The following ITPR2 variants were observed in gnomAD, a reference collection of about 807,000 sequenced individuals.
ITPR2 encodes inositol 1,4,5-trisphosphate-gated calcium channel ITPR2.
A neutral mutation model predicts 317.1 loss-of-function variants in ITPR2; 207 were observed. The observed-to-expected ratio is 0.65, with a 90% CI of 0.58 to 0.73. The LOEUF is 0.73. Among genes scored for constraint, ITPR2 ranks in the 30% least tolerant of loss-of-function variants. The probability of loss-of-function intolerance (pLI) is 0.00; values close to 1 mark genes in which losing one functional copy is unlikely to be tolerated. For missense variants in ITPR2, 2,613 were observed against 3,284.0 expected (o/e 0.80, Z 4.99); for synonymous variants, 1,156 against 1,149.1 (o/e 1.01, Z -0.12).
Position 26,451,152 on chromosome 12 carries a change from C to A in ITPR2, c.6343-7502G>T, listed in dbSNP as rs78200304. 1.6e-3 allele frequency among the ~76,000 whole-genome samples: 241 copies of A among 152,152 alleles called. 4 individuals are homozygous for A. In the East Asian group the frequency reaches 0.034, roughly 22 times the overall value. On this transcript the variant is annotated intron_variant, in intron 45 of 56. Transcript: ENST00000381340. Reference sequence around the variant, plus strand: ...GGTTTTTGAGAATCTAAAGAGAAAGCCTTAAAGAAAGCACAACCAAGAGGA... The same window carrying A: ...GGTTTTTGAGAATCTAAAGAGAAAGACTTAAAGAAAGCACAACCAAGAGGA...
chr12:26,407,425 T>C (rs987969914), intron 52 of ITPR2, among the ~76,000 whole-genome samples: 1 of 152,232 alleles, frequency 6.6e-6, no homozygotes, highest in Non-Finnish European at 1.5e-5. Context: ...TAGATGCTAG[T>C]AGCACCCCAT....
chr12:26,472,997 G>A (rs567910559), intron 45 of ITPR2, among the ~76,000 whole-genome samples: 42 of 151,902 alleles, frequency 2.8e-4, no homozygotes, highest in African/African-American at 8.9e-4. Context: ...AGTGATTCTC[G>A]TGCCTCAGCC....
intron 9 of ITPR2, among the ~76,000 whole-genome samples, chr12:26,698,450 C>A (rs1020086278): frequency 6.6e-6 from 1 of 152,054 alleles, no homozygotes; most frequent in African/African-American, 2.4e-5. Flanking sequence ...TGGATGAAGG[C>A]ACACACAAAA....
chr12:26,381,486 T>C (rs1378595511), intron 55 of ITPR2, among the ~76,000 whole-genome samples: 1 of 152,232 alleles, frequency 6.6e-6, no homozygotes, highest in Non-Finnish European at 1.5e-5. Flanking sequence ...CATTCAATGT[T>C]TAGTGAATTG....
At position 26,336,451 on chromosome 12, in the gene ITPR2, T is replaced by A. The variant is rs570651412; in HGVS notation, c.*2946A>T. The A allele has an allele frequency of 1.2e-4, 19 of 152,324 alleles. No individual in the cohort carries two copies. Among genetic ancestry groups the A allele is most frequent in the African/African-American group, 4.6e-4 (19 of 41,578 alleles). The allele number at this position is 152,324 out of a possible 1,614,324, so 9.4% of individuals were successfully genotyped here. On this transcript the variant is annotated 3_prime_UTR_variant, in exon 57 of 57. Transcript: ENST00000381340. ...TGTCCTCTTTACCAACAGAAAAATATTGATGTGCAAGAAAATAAGCTTATT... is the reference window on the plus strand; with the variant it reads ...TGTCCTCTTTACCAACAGAAAAATAATGATGTGCAAGAAAATAAGCTTATT...
chr12:26,804,451 T>G (rs1046696917), intron 1 of ITPR2, among the ~76,000 whole-genome samples: 1 of 151,526 alleles, frequency 6.6e-6, no homozygotes, highest in African/African-American at 2.4e-5. Context: ...TGGGAGGGAG[T>G]GAGTAAGTCC....
chr12:26,714,308 G>C (rs1158491353), intron 8 of ITPR2, among the ~76,000 whole-genome samples: 3 of 151,902 alleles, frequency 2.0e-5, no homozygotes, highest in Admixed American at 6.6e-5. Context: ...ATCATTCAAG[G>C]GCCCACATTT....
chr12:26,743,033 T>C (rs565710641), intron 2 of ITPR2, among the ~76,000 whole-genome samples: 7 of 152,212 alleles, frequency 4.6e-5, no homozygotes, highest in African/African-American at 1.7e-4. Context: ...GGCTGTATCT[T>C]TTGGAGGTGA....
chr12:26,709,543 C>T (rs1339623909), intron 9 of ITPR2, among the ~76,000 whole-genome samples: 3 of 152,128 alleles, frequency 2.0e-5, no homozygotes, highest in African/African-American at 7.2e-5. Context: ...CAATTTAATT[C>T]TTAAAAATCT....
intron 52 of ITPR2, among the ~76,000 whole-genome samples, chr12:26,406,944 G>T (rs1008671109): frequency 6.6e-6 from 1 of 152,126 alleles, no homozygotes; most frequent in Non-Finnish European, 1.5e-5. Context: ...TACTAATGTA[G>T]GAATACTCCC....
chr12:26,420,530 G>A (rs752088054), intron 49 of ITPR2, among the ~76,000 whole-genome samples: 4 of 152,096 alleles, frequency 2.6e-5, no homozygotes, highest in Non-Finnish European at 5.9e-5. Context: ...ACTATTACAT[G>A]TTTTGAAGAG....
At chr12:26,591,524 G>A (rs1945703874) in intron 32 of ITPR2, among the ~76,000 whole-genome samples, 1 of 152,096 alleles carries the variant, frequency 6.6e-6, no homozygotes, top group South Asian at 2.1e-4. Context: ...AAACATTTTG[G>A]AGTTTCCTCA....
intron 55 of ITPR2, among the ~76,000 whole-genome samples, chr12:26,368,752 C>T (rs963615201): frequency 7.9e-5 from 12 of 152,150 alleles, no homozygotes; most frequent in East Asian, 1.9e-4. Context: ...ATTTACTAAG[C>T]GCCCACTATG....
chr12:26,396,549 C>T (rs1158031278), intron 54 of ITPR2, among the ~76,000 whole-genome samples: 5 of 152,126 alleles, frequency 3.3e-5, no homozygotes, highest in Non-Finnish European at 7.4e-5. Flanking sequence ...GGTGTGTGCT[C>T]CTCTTTCTCT....
chr12:26,721,834 T>G (rs751003188), intron 5 of ITPR2, among the ~76,000 whole-genome samples: 6 of 152,172 alleles, frequency 3.9e-5, no homozygotes, highest in African/African-American at 1.2e-4. Context: ...AGGCTGGTCT[T>G]GAACCCGTGG....
Position 26,494,244 on chromosome 12 carries a change from T to A in ITPR2, c.5279A>T (p.Asp1760Val). The A allele has an allele frequency of 3.1e-6, 5 of 1,613,706 alleles. No homozygotes were observed. The highest frequency in any genetic ancestry group is 4.2e-6 in the Non-Finnish European group (5 of 1,179,712). Residue 1760 changes from aspartate to valine, a missense_variant, in exon 39 of 57, where the codon GAT (aspartate) becomes GTT (valine). Transcript: ENST00000381340. ...DKEGASELVI[D>V]VIVNTKNDRI... is the part of the protein sequence containing the mutation. ...GTCATTTTTGGTGTTCACTATAACATCGATGACAAGTTCTGATGCACCTTC... is the reference window on the plus strand; with the variant it reads ...GTCATTTTTGGTGTTCACTATAACAACGATGACAAGTTCTGATGCACCTTC...
At chr12:26,516,674 C>T (rs1943529185) in intron 37 of ITPR2, among the ~76,000 whole-genome samples, 1 of 151,938 alleles carries the variant, frequency 6.6e-6, no homozygotes, top group South Asian at 2.1e-4. Flanking sequence ...TAAAGGAATG[C>T]TGCATAGCAA....
chr12:26,772,449 ATT>A (rs1491046011), intron 2 of ITPR2, among the ~76,000 whole-genome samples: 3 of 99,360 alleles, frequency 3.0e-5, no homozygotes, highest in East Asian at 3.0e-4. Context: ...TATTATATAT[ATT>A]ATATATATAA....
intron 55 of ITPR2, among the ~76,000 whole-genome samples, chr12:26,375,440 G>A (rs1264372183): frequency 2.0e-5 from 3 of 152,176 alleles, no homozygotes; most frequent in African/African-American, 4.8e-5. Context: ...ATCAATGTCA[G>A]ATCACATGAT....
Sources: gnomAD v4.1 joint callset for allele counts (sites outside exome capture counted in the v4.1 genomes callset) on GRCh38, gnomAD v4.1.1 for gene constraint, MANE v1.5 for transcripts, NCBI Gene and HGNC (gene_info 2026-07-23, HGNC 2026-07-21) for gene names.